FTO: variants seen among roughly 807,000 people sequenced by gnomAD.
The protein encoded by FTO is FTO alpha-ketoglutarate dependent dioxygenase.
FTO carries 47 observed loss-of-function variants against 63.9 expected under a neutral mutation model. The observed-to-expected ratio is 0.74, with a 90% CI of 0.58 to 0.94. FTO has a LOEUF of 0.94. Ranked by LOEUF, FTO falls within the 40% of genes least tolerant of loss-of-function variation. The pLI, the probability that FTO is intolerant of heterozygous loss-of-function variation, is 0.00. For missense variants in FTO, 562 were observed against 618.1 expected (o/e 0.91, Z 0.96); for synonymous variants, 207 against 224.4 (o/e 0.92, Z 0.69).
chr16:53,742,774 A>G (rs2076555490), intron 1 of FTO, among the ~76,000 whole-genome samples: 1 of 152,200 alleles, frequency 6.6e-6, no homozygotes, highest in Non-Finnish European at 1.5e-5. Flanking sequence ...GCCACACTTT[A>G]TAGATAAAGA....
At chr16:53,772,162 C>T (rs1190863157) in intron 1 of FTO, among the ~76,000 whole-genome samples, 3 of 152,082 alleles carry the variant, frequency 2.0e-5, no homozygotes, top group African/African-American at 7.2e-5. Context: ...CTTTGGCTTT[C>T]TTTCTGATCT....
intron 8 of FTO, among the ~76,000 whole-genome samples, chr16:54,001,179 CT>C (rs1262807613): frequency 6.6e-6 from 1 of 152,160 alleles, no homozygotes; most frequent in Non-Finnish European, 1.5e-5. Context: ...ATTTCTGAGA[CT>C]GATTTCAGTG....
chr16:54,095,093 CAG>C (rs2086486234), intron 8 of FTO, among the ~76,000 whole-genome samples: 1 of 152,128 alleles, frequency 6.6e-6, no homozygotes, highest in Non-Finnish European at 1.5e-5. Context: ...TTGGCAGAGA[CAG>C]AGTCTCGCTA....
chr16:54,097,272 C>T (rs2540772), intron 8 of FTO, among the ~76,000 whole-genome samples: 73,726 of 151,818 alleles, frequency 0.49, 18,265 homozygotes, highest in African/African-American at 0.56. Flanking sequence ...CAGACCAGTG[C>T]TCTCCCTACT....
chr16:53,934,702 T>G (rs2082350165), intron 8 of FTO, among the ~76,000 whole-genome samples: 1 of 152,188 alleles, frequency 6.6e-6, no homozygotes, highest in Non-Finnish European at 1.5e-5. Flanking sequence ...TATAGGCAGT[T>G]GTAACACAAC....
chr16:53,750,927 A>C (rs2076774252), intron 1 of FTO, among the ~76,000 whole-genome samples: 1 of 152,252 alleles, frequency 6.6e-6, no homozygotes, highest in African/African-American at 2.4e-5. Context: ...GTAGGTCTAA[A>C]GAAATAGAAC....
chr16:54,074,953 T>A (rs927491039), intron 8 of FTO, among the ~76,000 whole-genome samples: 15 of 149,332 alleles, frequency 1.0e-4, no homozygotes, highest in Admixed American at 3.4e-4. Context: ...TGTGTGTGTG[T>A]GTAAACTGTT....
chr16:54,058,664 A>G (rs2085499363), intron 8 of FTO, among the ~76,000 whole-genome samples: 1 of 152,160 alleles, frequency 6.6e-6, no homozygotes, highest in Admixed American at 6.5e-5. Flanking sequence ...CTGCAGGTAT[A>G]ACTGATTTAA....
intron 1 of FTO, among the ~76,000 whole-genome samples, chr16:53,716,899 A>G (rs1350468112): frequency 6.6e-6 from 1 of 150,740 alleles, no homozygotes; most frequent in Admixed American, 6.6e-5. Context: ...TATATAATAT[A>G]TACAGTATGA....
chr16:53,843,885 A>G (rs1367150019), intron 3 of FTO, among the ~76,000 whole-genome samples: 1 of 151,956 alleles, frequency 6.6e-6, no homozygotes, highest in African/African-American at 2.4e-5. Flanking sequence ...GCCCGACTTT[A>G]AGTGATCTAC....
intron 1 of FTO, among the ~76,000 whole-genome samples, chr16:53,740,298 A>G (rs1329462329): frequency 1.3e-5 from 2 of 152,166 alleles, no homozygotes; most frequent in African/African-American, 2.4e-5. Context: ...TTTAAAGAGC[A>G]GGACATAGTG....
At chr16:53,849,493 A>G (rs2151829662) in intron 4 of FTO, among the ~76,000 whole-genome samples, 1 of 152,328 alleles carries the variant, frequency 6.6e-6, no homozygotes, top group East Asian at 1.9e-4. Context: ...AGGAACTACA[A>G]GAAAGGGAAG....
chr16:53,770,558 A>T (rs1461278190), intron 1 of FTO, among the ~76,000 whole-genome samples: 1 of 152,218 alleles, frequency 6.6e-6, no homozygotes, highest in Non-Finnish European at 1.5e-5. Flanking sequence ...GTATGCAGAC[A>T]CATTTCAATT....
intron 7 of FTO, among the ~76,000 whole-genome samples, chr16:53,910,006 T>G (rs988460641): frequency 1.3e-5 from 2 of 152,112 alleles, no homozygotes; most frequent in Non-Finnish European, 2.9e-5. Flanking sequence ...GCCTCCCAAA[T>G]AGCTGGAAGT....
At chr16:53,755,584 G>T (rs2076903937) in intron 1 of FTO, among the ~76,000 whole-genome samples, 4 of 152,136 alleles carry the variant, frequency 2.6e-5, no homozygotes, top group Admixed American at 1.3e-4. Flanking sequence ...GTAAAACTTG[G>T]AAGTCTCCTT....
At chr16:54,056,171 T>C (rs1195936572) in intron 8 of FTO, among the ~76,000 whole-genome samples, 1 of 152,238 alleles carries the variant, frequency 6.6e-6, no homozygotes, top group African/African-American at 2.4e-5. Context: ...CCAGTTTAAA[T>C]ATCTTAAGCT....
chr16:53,721,237 C>T (rs948060894), intron 1 of FTO, among the ~76,000 whole-genome samples: 7 of 152,144 alleles, frequency 4.6e-5, no homozygotes, highest in South Asian at 2.1e-4. Context: ...AATGCACATG[C>T]GTAACTTGAG....
intron 1 of FTO, among the ~76,000 whole-genome samples, chr16:53,785,445 TGA>T (rs1307574933): frequency 6.6e-6 from 1 of 151,904 alleles, no homozygotes; most frequent in African/African-American, 2.4e-5. Context: ...GCAACTAGGG[TGA>T]GAGTGCTGTT....
At chr16:53,819,104 T>C (rs986100082) in intron 2 of FTO, among the ~76,000 whole-genome samples, 5 of 152,246 alleles carry the variant, frequency 3.3e-5, no homozygotes, top group Non-Finnish European at 7.3e-5. Flanking sequence ...TATTATAAAA[T>C]GTTTTAATGC....
Sources: gnomAD v4.1 joint callset for allele counts (sites outside exome capture counted in the v4.1 genomes callset) on GRCh38, gnomAD v4.1.1 for gene constraint, MANE v1.5 for transcripts, NCBI Gene and HGNC (gene_info 2026-07-23, HGNC 2026-07-21) for gene names.